The following NRXN1 variants were observed in gnomAD, a reference collection of about 807,000 sequenced individuals.
The protein encoded by NRXN1 is neurexin 1, also known as neurexin-1.
In NRXN1, 39 loss-of-function variants were observed where a neutral mutation model predicts 150.9. That is an observed-to-expected ratio of 0.26 (90% CI 0.20 to 0.34). The LOEUF (loss-of-function observed/expected upper bound fraction) is 0.34, where lower values mean the gene tolerates loss of function less well. Among genes scored for constraint, NRXN1 ranks in the 10% least tolerant of loss-of-function variants. NRXN1 has a pLI of 1.00. For missense variants in NRXN1, 1,815 were observed against 1,949.9 expected, an observed-to-expected ratio of 0.93 and a Z score of 1.30; for synonymous variants, 924 against 757.0, an observed-to-expected ratio of 1.22 and a Z score of -3.62.
chr2:50,698,980 A>G (rs902053092), intron 5 of NRXN1, among the ~76,000 whole-genome samples: 47 of 152,310 alleles, frequency 3.1e-4, no homozygotes, highest in African/African-American at 1.0e-3. Flanking sequence ...TTAAGAACCT[A>G]TACTACCAAT....
intron 21 of NRXN1, among the ~76,000 whole-genome samples, chr2:49,947,134 C>G (rs576764142): frequency 2.1e-4 from 32 of 152,036 alleles, no homozygotes; most frequent in Non-Finnish European, 3.7e-4. Flanking sequence ...TTTTTCCCCC[C>G]GGACCAACAT....
At chr2:50,656,834 A>G (rs1013506954) in intron 5 of NRXN1, among the ~76,000 whole-genome samples, 5 of 152,022 alleles carry the variant, frequency 3.3e-5, no homozygotes, top group African/African-American at 1.2e-4. Context: ...TAGAGATGCT[A>G]TCATTGAAAT....
intron 18 of NRXN1, among the ~76,000 whole-genome samples, chr2:50,145,682 CCA>C (rs1707912745): frequency 6.6e-6 from 1 of 151,594 alleles, no homozygotes; most frequent in Non-Finnish European, 1.5e-5. Context: ...GTGACAACTC[CCA>C]TTCATCTTTT....
chr2:50,740,768 G>A (rs1464681198), intron 5 of NRXN1, among the ~76,000 whole-genome samples: 1 of 152,078 alleles, frequency 6.6e-6, no homozygotes, highest in Non-Finnish European at 1.5e-5. Context: ...GAGTTAAAAG[G>A]ACAAGGAGGA....
At chr2:50,882,445 A>G (rs1222927981) in intron 5 of NRXN1, among the ~76,000 whole-genome samples, 1 of 151,934 alleles carries the variant, frequency 6.6e-6, no homozygotes, top group Non-Finnish European at 1.5e-5. Flanking sequence ...ATAAGTTTCA[A>G]AGAATTTGTG....
intron 2 of NRXN1, among the ~76,000 whole-genome samples, chr2:50,963,499 T>G (rs753997814): frequency 2.0e-5 from 3 of 151,700 alleles, no homozygotes; most frequent in Non-Finnish European, 4.4e-5. Context: ...TTCCTCCAAA[T>G]GCTTTATTTT....
intron 12 of NRXN1, among the ~76,000 whole-genome samples, chr2:50,511,032 T>A (rs1249189132): frequency 2.0e-5 from 3 of 151,658 alleles, no homozygotes; most frequent in African/African-American, 4.8e-5. Flanking sequence ...GAAGCATAGG[T>A]CTCTAGACTC....
chr2:50,140,930 C>CA (rs1227362760), intron 18 of NRXN1, among the ~76,000 whole-genome samples: 2 of 151,728 alleles, frequency 1.3e-5, no homozygotes, highest in Admixed American at 6.6e-5. Context: ...AAAACAACTA[C>CA]AAAAAATTAT....
chr2:50,910,347 G>A (rs768002864), intron 5 of NRXN1, among the ~76,000 whole-genome samples: 26 of 151,864 alleles, frequency 1.7e-4, no homozygotes, highest in African/African-American at 7.3e-5. Flanking sequence ...ACACTTTACC[G>A]ATATTCATAT....
rs866867566 is a variant in NRXN1 at position 50,245,501 on chromosome 2, C to T, written c.3365-8531G>A. Among the ~76,000 whole-genome samples, 7 of 151,966 alleles carry T rather than the reference C, an allele frequency of 4.6e-5. No individual in the cohort carries two copies. In the Middle Eastern group the frequency reaches 0.017, roughly 369 times the overall value. On this transcript the variant is annotated intron_variant, in intron 17 of 22. Coordinates refer to ENST00000401669, the MANE Select transcript of NRXN1 (RefSeq NM_001330078.2). ...AATCAATTTGTATTAAAGCTATAGG[C>T]AGCAGGGATAGGAAGAAAAAGAATC...
At chr2:50,330,532 C>T (rs1454024066) in intron 17 of NRXN1, among the ~76,000 whole-genome samples, 1 of 152,092 alleles carries the variant, frequency 6.6e-6, no homozygotes, top group African/African-American at 2.4e-5. Flanking sequence ...CTACTCCTAA[C>T]CTTCCCCAAC....
intron 2 of NRXN1, among the ~76,000 whole-genome samples, chr2:51,008,494 A>C (rs2105164955): frequency 6.6e-6 from 1 of 152,012 alleles, no homozygotes; most frequent in South Asian, 2.1e-4. Flanking sequence ...TGTTTTTGAG[A>C]ATTAAGTGAG....
intron 17 of NRXN1, among the ~76,000 whole-genome samples, chr2:50,341,372 T>A (rs1215567433): frequency 2.7e-5 from 4 of 150,604 alleles, no homozygotes; most frequent in Non-Finnish European, 4.4e-5. Flanking sequence ...CTACATGTGC[T>A]CTAAAGTCTC....
rs67959182 is a variant in NRXN1, at chr2:50,199,537, T to TACACAC, written c.3546+37246_3546+37251dup. Reference sequence around the variant, plus strand: ...TCTCTTACTCATTCTCTCTTTCTTATACACACACACACACACACACACACA... The same window carrying TACACAC: ...TCTCTTACTCATTCTCTCTTTCTTATACACACACACACACACACACACACACACACA... On this transcript the variant is annotated intron_variant, in intron 18 of 22. Coordinates refer to ENST00000401669, the MANE Select transcript of NRXN1 (RefSeq NM_001330078.2). 7.0e-3 allele frequency among the ~76,000 whole-genome samples: 1,043 copies of TACACAC among 149,428 alleles called. 11 individuals are homozygous for TACACAC. The highest frequency in any genetic ancestry group is 0.023 in the African/African-American group (918 of 40,614).
At chr2:49,956,368 G>A (rs7574241) in intron 21 of NRXN1, among the ~76,000 whole-genome samples, 60,785 of 151,950 alleles carry the variant, frequency 0.4, 12,473 homozygotes, top group South Asian at 0.52. Flanking sequence ...GAAAAGCAAC[G>A]AGAAGCATTG....
intron 18 of NRXN1, among the ~76,000 whole-genome samples, chr2:50,162,562 A>C (rs948162908): frequency 6.6e-6 from 1 of 152,138 alleles, no homozygotes; most frequent in African/African-American, 2.4e-5. Flanking sequence ...GATTAAGATA[A>C]AACCATAAAA....
intron 2 of NRXN1, among the ~76,000 whole-genome samples, chr2:50,956,355 G>A (rs1317288193): frequency 6.6e-6 from 1 of 152,070 alleles, no homozygotes; most frequent in Non-Finnish European, 1.5e-5. Flanking sequence ...CCACTGGGGG[G>A]CCTTGGAACA....
chr2:50,298,721 T>C (rs946370871), intron 17 of NRXN1, among the ~76,000 whole-genome samples: 2 of 152,182 alleles, frequency 1.3e-5, no homozygotes, highest in Non-Finnish European at 2.9e-5. Context: ...TTGTAATCAT[T>C]TATTACATAA....
chr2:50,777,109 A>C lies in NRXN1; in HGVS notation c.832+144760T>G, dbSNP rs540733314. ...AAGCTAACAATTTCAAATCATGAAA[A>C]TGTGTATTCTCAGATGGTGAATATT... On this transcript the variant is annotated intron_variant, in intron 5 of 22. Coordinates refer to ENST00000401669, the MANE Select transcript of NRXN1 (RefSeq NM_001330078.2). 6.6e-5 allele frequency among the ~76,000 whole-genome samples: 10 copies of C among 152,234 alleles called. No individual in the cohort carries two copies. In the East Asian group the frequency reaches 1.9e-3, roughly 29 times the overall value.
Sources: gnomAD v4.1 joint callset for allele counts (sites outside exome capture counted in the v4.1 genomes callset) on GRCh38, gnomAD v4.1.1 for gene constraint, MANE v1.5 for transcripts, NCBI Gene and HGNC (gene_info 2026-07-23, HGNC 2026-07-21) for gene names.